FXYD3: variants seen among roughly 807,000 people sequenced by gnomAD.
FXYD3 encodes the protein FXYD domain containing ion transport regulator 3, also known as FXYD domain-containing ion transport regulator 3.
Under a neutral mutation model 19.2 loss-of-function variants are expected in FXYD3, and 13 were observed. That is an observed-to-expected ratio of 0.68 (90% CI 0.44 to 1.08). The LOEUF (loss-of-function observed/expected upper bound fraction) is 1.08, where lower values mean the gene tolerates loss of function less well. Ranked by LOEUF, FXYD3 falls within the 50% of genes least tolerant of loss-of-function variation. FXYD3 has a pLI of 0.00. For synonymous variants in FXYD3, 48 were observed against 38.9 expected (o/e 1.23, Z -0.87); for missense variants, 101 against 109.4 (o/e 0.92, Z 0.34).
intron 2 of FXYD3, 93 bp from the exon 3 acceptor site, chr19:35,119,270 C>T (rs2064977512): frequency 1.9e-6 from 3 of 1,610,152 alleles, no homozygotes; most frequent in East Asian, 2.2e-5. Context: ...CGCACCCTGC[C>T]TGGGGAGCAG....
chr19:35,123,548 C>CAAG lies in FXYD3; in HGVS notation c.*91_*92insAAG. The stretch of plus-strand genomic sequence containing the variant: ...GAAACTTGAACTCCAGGATGGAATT[C>CAAG]TTCCTCCTCTGCTGGGACTCCTTTG... On this transcript the variant is annotated 3_prime_UTR_variant, in exon 9 of 9. Coordinates refer to ENST00000604404, the MANE Select transcript of FXYD3 (RefSeq NM_005971.4). The CAAG allele has an allele frequency of 1.5e-6, 2 of 1,368,086 alleles. No individual in the cohort carries two copies. The highest frequency in any genetic ancestry group is 1.4e-5 in the African/African-American group (1 of 70,384). 84.7% of individuals were successfully genotyped at this position (1,368,086 alleles called of 1,614,324 possible). A position where few individuals can be genotyped will look rare whatever the true frequency, so the allele number is the denominator to read the frequency against.
At chr19:35,122,640 T>G in intron 5 of FXYD3, 125 bp from the exon 6 acceptor site, 1 of 744,852 alleles carries the variant, frequency 1.3e-6, no homozygotes, top group Non-Finnish European at 2.3e-6. Flanking sequence ...TTTGTCTGTT[T>G]TCTTATGGCG....
chr19:35,116,651 G>C, intron 2 of FXYD3: 1 of 985,218 alleles, frequency 1.0e-6, no homozygotes, highest in Non-Finnish European at 1.2e-6. Context: ...GGGATATCTG[G>C]GTTGGGGATA....
In FXYD3 at chr19:35,123,556, T is replaced by C; in HGVS notation, c.*99T>C. ...AACTCCAGGATGGAATTCTTCCTCC[T>C]CTGCTGGGACTCCTTTGCATGGCAG... On this transcript the variant is annotated 3_prime_UTR_variant, in exon 9 of 9. Transcript: ENST00000604404. 7.7e-7 allele frequency: 1 copy of C among 1,295,732 alleles called. No individual in the cohort carries two copies. 80.3% of individuals were successfully genotyped at this position (1,295,732 alleles called of 1,614,324 possible).
intron 5 of FXYD3, among the ~76,000 whole-genome samples, chr19:35,122,113 T>A (rs1191470350): frequency 6.6e-6 from 1 of 152,098 alleles, no homozygotes; most frequent in African/African-American, 2.4e-5. Context: ...CAAAAGTAAT[T>A]GTGGTTTTTG....
At chr19:35,122,897 C>T (rs147145087) in intron 6 of FXYD3, 21 bp from the exon 7 acceptor site, 59 of 1,613,106 alleles carry the variant, frequency 3.7e-5, no homozygotes, top group Non-Finnish European at 4.7e-5. Context: ...CCTCCCCTGA[C>T]CACTCAGCTC....
At chr19:35,122,150 A>T (rs111428608) in intron 5 of FXYD3, among the ~76,000 whole-genome samples, 1 of 148,768 alleles carries the variant, frequency 6.7e-6, no homozygotes, top group African/African-American at 2.5e-5. Context: ...CAAAAATGCA[A>T]TTTTTTTTTT....
chr19:35,122,753 C>A lies in FXYD3; in HGVS notation c.98-12C>A. The A allele has an allele frequency of 6.2e-7, 1 of 1,610,906 alleles. No homozygotes were observed. The highest frequency in any genetic ancestry group is 1.7e-5 in the Admixed American group (1 of 60,018). ...CAGGCTGGCACTGAGGTCCCCTCCACTTTCCTCCTAGACTGGCACAGCCTC... is the reference window on the plus strand; with the variant it reads ...CAGGCTGGCACTGAGGTCCCCTCCAATTTCCTCCTAGACTGGCACAGCCTC... On this transcript the variant is annotated splice_polypyrimidine_tract_variant and intron_variant, in intron 5 of 8. Coordinates refer to ENST00000604404, the MANE Select transcript of FXYD3 (RefSeq NM_005971.4).
Position 35,123,320 on chromosome 19 carries a change from C to T in FXYD3, c.247+12C>T. On this transcript the variant is annotated intron_variant, in intron 8 of 8. Transcript: ENST00000604404. ...TCTCATCACCCCAGGTAAGATGGGG[C>T]AGCATGGGGCTCAGGGGAACACGGA... 1 of 1,610,554 alleles carries T rather than the reference C, an allele frequency of 6.2e-7. No homozygotes were observed. The highest frequency in any genetic ancestry group is 1.1e-5 in the South Asian group (1 of 90,392).
chr19:35,119,583 C>A, intron 3 of FXYD3, 167 bp downstream of exon 3: 1 of 611,774 alleles, frequency 1.6e-6, no homozygotes, highest in South Asian at 2.0e-5. Context: ...CGGGGATACA[C>A]GAGAAGAGCT....
At position 35,121,079 on chromosome 19, in the gene FXYD3, C is replaced by G. The variant is rs200760412; in HGVS notation, c.42C>G (p.Gly14=). 167 of 1,612,732 alleles carry G rather than the reference C, an allele frequency of 1.0e-4. No individual in the cohort carries two copies. Among genetic ancestry groups the G allele is most frequent in the Admixed American group, 9.2e-4 (55 of 60,028 alleles). Residue 14 remains glycine, a splice_region_variant and synonymous_variant, in exon 4 of 9, where the codon GGC becomes GGG. Transcript: ENST00000604404. ...VTLGLLVFLA[G]FPVLDANDLE... ...CTCCTTCCCCTCTTCTCCCACTAGGCTTTCCTGTCCTGGACGCCAATGACC... is the reference window on the plus strand; with the variant it reads ...CTCCTTCCCCTCTTCTCCCACTAGGGTTTCCTGTCCTGGACGCCAATGACC...
rs571900155 is a variant in FXYD3, at chr19:35,116,786, T to C, written c.-15+427T>C. 4.1e-6 allele frequency: 4 copies of C among 984,694 alleles called. No individual in the cohort carries two copies. The African/African-American group carries it at 7.0e-5, about 17-fold the overall frequency. 61.0% of individuals were successfully genotyped at this position (984,694 alleles called of 1,614,324 possible). A position where few individuals can be genotyped will look rare whatever the true frequency, so the allele number is the denominator to read the frequency against. Reference sequence around the variant, plus strand: ...GGGTGGACTCGGGGTGTCCAGACATTGAGGGATCTGGGTGGATAAGGAGTG... The same window carrying C: ...GGGTGGACTCGGGGTGTCCAGACATCGAGGGATCTGGGTGGATAAGGAGTG... On this transcript the variant is annotated intron_variant, in intron 2 of 8. Coordinates refer to ENST00000604404, the MANE Select transcript of FXYD3 (RefSeq NM_005971.4).
chr19:35,119,439 C>A, intron 3 of FXYD3, 23 bp downstream of exon 3: 1 of 1,610,764 alleles, frequency 6.2e-7, no homozygotes, highest in Non-Finnish European at 8.5e-7. Context: ...CCCCCGTCTG[C>A]CTTTTCCTCT....
intron 3 of FXYD3, among the ~76,000 whole-genome samples, chr19:35,120,139 TTTTC>T (rs1269206556): frequency 8.5e-6 from 1 of 118,236 alleles, no homozygotes; most frequent in Non-Finnish European, 2.0e-5. Flanking sequence ...CCCTTTTTTC[TTTTC>T]TTTTTTTTTT....
intron 2 of FXYD3, among the ~76,000 whole-genome samples, chr19:35,118,868 G>A (rs1345530521): frequency 6.6e-6 from 1 of 152,342 alleles, no homozygotes; most frequent in African/African-American, 2.4e-5. Context: ...CAGGCTCTGA[G>A]CGGTCTACGG....
chr19:35,116,556 C>G, intron 2 of FXYD3, 197 bp downstream of exon 2: 5 of 985,408 alleles, frequency 5.1e-6, no homozygotes, highest in South Asian at 4.7e-5. Flanking sequence ...ATTCTCCTCT[C>G]AGGGACTTGT....
Position 35,122,916 on chromosome 19 carries a change from A to T in FXYD3, c.173-2A>T. 6.2e-7 allele frequency: 1 copy of T among 1,610,584 alleles called. No individual in the cohort carries two copies. The highest frequency in any genetic ancestry group is 8.5e-7 in the Non-Finnish European group (1 of 1,178,112). On this transcript the variant is annotated splice_acceptor_variant, in intron 6 of 8. Transcript: ENST00000604404. LOFTEE classifies it high-confidence loss of function. ...CCCTGACCACTCAGCTCTCCCCAAC[A>T]GGTGCAAAATGCAAATGCAAGTTTG...
At chr19:35,116,959 C>T (rs2064902999) in intron 2 of FXYD3, 1 of 985,130 alleles carries the variant, frequency 1.0e-6, no homozygotes, top group African/African-American at 1.7e-5. Context: ...TTTCTACCCA[C>T]CCCTGAACAT....
chr19:35,119,141 G>A (rs1262636342), intron 2 of FXYD3: 1 of 1,513,190 alleles, frequency 6.6e-7, no homozygotes, highest in Non-Finnish European at 9.0e-7. Context: ...CATGTCCAGT[G>A]AGTTATTATG....
Sources: gnomAD v4.1 joint callset for allele counts (sites outside exome capture counted in the v4.1 genomes callset) on GRCh38, gnomAD v4.1.1 for gene constraint, MANE v1.5 for transcripts, NCBI Gene and HGNC (gene_info 2026-07-23, HGNC 2026-07-21) for gene names.